Variants in ANKRD52 observed in about 807,000 individuals in gnomAD.
ANKRD52 encodes the protein serine/threonine-protein phosphatase 6 regulatory ankyrin repeat subunit C.
ANKRD52 carries 7 observed loss-of-function variants against 116.0 expected under a neutral mutation model. The ratio of observed to expected loss-of-function variants is 0.06; its 90% CI spans 0.03 to 0.11. The LOEUF is 0.11. Ranked by LOEUF, ANKRD52 falls within the 10% of genes least tolerant of loss-of-function variation. The pLI is 1.00. For missense variants in ANKRD52, 839 were observed against 1,408.6 expected (o/e 0.60, Z 6.47); for synonymous variants, 528 against 578.1 (o/e 0.91, Z 1.24).
chr12:56,248,502 T>C lies in ANKRD52; in HGVS notation c.1769A>G (p.His590Arg), dbSNP rs1871528089. The change falls in exon 17 of 28, where the codon CAC (histidine) becomes CGC (arginine). Residue 590 changes from histidine (H) to arginine (R), a missense_variant. Physicochemically the swap from His to Arg is conservative, Grantham distance 29 (BLOSUM62 0). Coordinates refer to ENST00000267116, the MANE Select transcript of ANKRD52 (RefSeq NM_173595.4). The surrounding 1 kb of genome is among the most constrained non-coding windows in gnomAD (Gnocchi z 5.1). ...AAAAGACGTGGGACTCACAGCTAAG[T>C]GCAAAGGGCTGACTGGAATGGTGCT... ...VESTIPVSPL[H>R]LAAYNGHCEA... 6.3e-7 allele frequency: 1 copy of C among 1,594,026 alleles called. No individual in the cohort carries two copies. The highest frequency in any genetic ancestry group is 8.5e-7 in the Non-Finnish European group (1 of 1,170,380).
In ANKRD52 at chr12:56,253,157, C is replaced by A; in HGVS notation, c.1101-71G>T. 1 of 1,450,336 alleles carries A rather than the reference C, an allele frequency of 6.9e-7. No individual in the cohort carries two copies. The allele number at this position is 1,450,336 out of a possible 1,614,324, so 89.8% of individuals were successfully genotyped here. A position where few individuals can be genotyped will look rare whatever the true frequency, so the allele number is the denominator to read the frequency against. On this transcript the variant is annotated intron_variant, in intron 10 of 27. Transcript: ENST00000267116. The surrounding 1 kb of genome is among the most constrained non-coding windows in gnomAD (Gnocchi z 5.5). ...AAGTAAGACCTCTTCTGTGACCTAC[C>A]ACCACCCTAGAGTCAGGGTAGGAGG... is the stretch of plus-strand genomic sequence containing the variant.
At position 56,257,280 on chromosome 12, in the gene ANKRD52, C is replaced by T; in HGVS notation, c.190+3G>A. On this transcript the variant is annotated splice_donor_region_variant and intron_variant, in intron 3 of 27. Transcript: ENST00000267116. ...GCCACACCTTCCAGCTCCCCACTTT[C>T]ACCTGACATCAGTAGCAACTGGAGG... 2 of 1,590,896 alleles carry T rather than the reference C, an allele frequency of 1.3e-6. No homozygotes were observed. The highest frequency in any genetic ancestry group is 1.8e-5 in the Admixed American group (1 of 56,188).
chr12:56,252,887 G>A lies in ANKRD52; in HGVS notation c.1194C>T (p.Tyr398=), dbSNP rs1449790934. ...CATTGCTGAGTGAAGACACAATGCT[G>A]TACAACTGACCTGGAGGCACAGAAC... ...CRKLLSSGQL[Y]SIVSSLSNEH... Residue 398 remains tyrosine, a synonymous_variant, in exon 12 of 28, where the codon TAC becomes TAT. Coordinates refer to ENST00000267116, the MANE Select transcript of ANKRD52 (RefSeq NM_173595.4). This position sits in a 1 kb window ranked among gnomAD's most constrained non-coding sequence, Gnocchi z 4.7. 2 of 1,613,664 alleles carry A rather than the reference G, an allele frequency of 1.2e-6. No homozygotes were observed. The highest frequency in any genetic ancestry group is 1.3e-5 in the African/African-American group (1 of 74,920).
At position 56,252,441 on chromosome 12, in the gene ANKRD52, C is replaced by T. The variant is rs926910303; in HGVS notation, c.1370+61G>A. On this transcript the variant is annotated intron_variant, in intron 13 of 27. Transcript: ENST00000267116. The surrounding 1 kb of genome is among the most constrained non-coding windows in gnomAD (Gnocchi z 4.7). ...AAGTCTCCAATCTAAACCCTTCCTC[C>T]CTCTACCATTTGTTTCTCTAATCAG... is the stretch of plus-strand genomic sequence containing the variant. 9 of 1,596,346 alleles carry T rather than the reference C, an allele frequency of 5.6e-6. No individual in the cohort carries two copies. Among genetic ancestry groups the T allele is most frequent in the Non-Finnish European group, 7.7e-6 (9 of 1,164,478 alleles).
chr12:56,248,615 AG>A lies in ANKRD52; in HGVS notation c.1705-50del. 1 of 1,534,610 alleles carries A rather than the reference AG, an allele frequency of 6.5e-7. No individual in the cohort carries two copies. Among genetic ancestry groups the A allele is most frequent in the Non-Finnish European group, 8.9e-7 (1 of 1,127,654 alleles). On this transcript the variant is annotated intron_variant, in intron 16 of 27. Coordinates refer to ENST00000267116, the MANE Select transcript of ANKRD52 (RefSeq NM_173595.4). This position sits in a 1 kb window ranked among gnomAD's most constrained non-coding sequence, Gnocchi z 5.1. ...GCTGAGACTCTGGAACTCCCAAGAT[AG>A]TACCCCAGTCCCCGACTCGCAGTAA...
In ANKRD52 at chr12:56,248,805, G is replaced by A. The variant is rs759512256; in HGVS notation, c.1658C>T (p.Ala553Val). ...PSLRDRQGYT[A>V]VHYAAAYGNR... ...GCCATAGGCGGCTGCATAGTGCACA[G>A]CTGTGTAGCCCTGCCTGTCCCGCAG... Residue 553 changes from alanine (A) to valine (V), a missense_variant, in exon 16 of 28, where the codon GCT becomes GTT. Ala to Val is a moderately conservative substitution (Grantham distance 64). This residue lies in a region of ANKRD52 where 552 missense variants were observed against 810.6 expected (regional missense o/e 0.68). Transcript: ENST00000267116. The surrounding 1 kb of genome is among the most constrained non-coding windows in gnomAD (Gnocchi z 5.1). The A allele has an allele frequency of 1.2e-6, 2 of 1,611,590 alleles. No homozygotes were observed. The highest frequency in any genetic ancestry group is 4.5e-5 in the East Asian group (2 of 44,842).
Position 56,257,883 on chromosome 12 carries a change from C to T in ANKRD52, c.56G>A (p.Arg19Gln). 6.2e-7 allele frequency: 1 copy of T among 1,611,434 alleles called. No homozygotes were observed. The highest frequency in any genetic ancestry group is 1.1e-5 in the South Asian group (1 of 91,022). ...QPPLVQAIFS[R>Q]DVEEVRSLLS... ...TAGGGAACGCACTTCCTCCACATCT[C>T]GGCTAAAGATGGCCTGGACCAGGGG... The change falls in exon 2 of 28, where the codon CGA (arginine) becomes CAA (glutamine). Residue 19 changes from arginine (R) to glutamine (Q), a missense_variant. Coordinates refer to ENST00000267116, the MANE Select transcript of ANKRD52 (RefSeq NM_173595.4).
In ANKRD52 at chr12:56,257,037, C is replaced by A; in HGVS notation, c.239G>T (p.Arg80Leu). The A allele has an allele frequency of 6.2e-7, 1 of 1,613,358 alleles. No homozygotes were observed. Among genetic ancestry groups the A allele is most frequent in the Non-Finnish European group, 8.5e-7 (1 of 1,179,670 alleles). ...KDTLWLTPLH[R>L]AAASRNEKVL... ...TACCTCGTTTCGGGAGGCAGCAGCA[C>A]GATGAAGAGGGGTCAGCCACAGTGT... is the stretch of plus-strand genomic sequence containing the variant. Residue 80 changes from arginine to leucine, a missense_variant, in exon 4 of 28, where the codon CGT (arginine) becomes CTT (leucine). By Grantham distance (102) the Arg-to-Leu change is moderately radical. This residue lies in a region of ANKRD52 where 287 missense variants were observed against 598.1 expected (regional missense o/e 0.48). Coordinates refer to ENST00000267116, the MANE Select transcript of ANKRD52 (RefSeq NM_173595.4).
intron 20 of ANKRD52, among the ~76,000 whole-genome samples, chr12:56,247,046 A>G (rs1871442600): frequency 1.3e-5 from 2 of 150,712 alleles, no homozygotes; most frequent in African/African-American, 4.9e-5. Flanking sequence ...ACAAAGCTCA[A>G]TAAAATCCTG....
In ANKRD52 at chr12:56,239,347, A is replaced by C. The variant is rs993494859; in HGVS notation, c.*3795T>G. The C allele has an allele frequency of 6.6e-6, 1 of 152,252 alleles. No homozygotes were observed. Among genetic ancestry groups the C allele is most frequent in the African/African-American group, 2.4e-5 (1 of 41,456 alleles). The allele number at this position is 152,252 out of a possible 1,614,324, so 9.4% of individuals were successfully genotyped here. On this transcript the variant is annotated 3_prime_UTR_variant, in exon 28 of 28. Coordinates refer to ENST00000267116, the MANE Select transcript of ANKRD52 (RefSeq NM_173595.4). ...GGCTGCAGAAGGCTGGAGCCACCAC[A>C]ATTAGAGGGGAAGGGGCTGCTTTGT...
Position 56,257,267 on chromosome 12 carries a change from A to G in ANKRD52, c.190+16T>C. 2 of 1,583,544 alleles carry G rather than the reference A, an allele frequency of 1.3e-6. No individual in the cohort carries two copies. The highest frequency in any genetic ancestry group is 1.3e-5 in the African/African-American group (1 of 74,350). On this transcript the variant is annotated intron_variant, in intron 3 of 27. Transcript: ENST00000267116. ...TCGCTCCCTATGTGCCACACCTTCC[A>G]GCTCCCCACTTTCACCTGACATCAG... is the stretch of plus-strand genomic sequence containing the variant.
Position 56,240,819 on chromosome 12 carries a change from A to C in ANKRD52, c.*2323T>G, listed in dbSNP as rs1287529477. 1 of 152,256 alleles carries C rather than the reference A, an allele frequency of 6.6e-6. No individual in the cohort carries two copies. 9.4% of individuals were successfully genotyped at this position (152,256 alleles called of 1,614,324 possible). A position where few individuals can be genotyped will look rare whatever the true frequency, so the allele number is the denominator to read the frequency against. On this transcript the variant is annotated 3_prime_UTR_variant, in exon 28 of 28. Transcript: ENST00000267116. The surrounding 1 kb of genome is among the most constrained non-coding windows in gnomAD (Gnocchi z 4.2). The stretch of plus-strand genomic sequence containing the variant: ...CAGTGCGCTGAGGGCAGCAGGGCGC[A>C]GACAGCCCCCAGAAATCTCATCTAG...
chr12:56,244,315 G>A lies in ANKRD52; in HGVS notation c.2805+38C>T. 6.2e-7 allele frequency: 1 copy of A among 1,602,432 alleles called. No individual in the cohort carries two copies. The highest frequency in any genetic ancestry group is 8.5e-7 in the Non-Finnish European group (1 of 1,169,696). Reference sequence around the variant, plus strand: ...GACTTACCTCTCTTCATCAAGCTCTGCCCCTTATGCAGTCCCCCAATCACT... The same window carrying A: ...GACTTACCTCTCTTCATCAAGCTCTACCCCTTATGCAGTCCCCCAATCACT... On this transcript the variant is annotated intron_variant, in intron 25 of 27. Transcript: ENST00000267116. The surrounding 1 kb of genome is among the most constrained non-coding windows in gnomAD (Gnocchi z 4.9).
intron 4 of ANKRD52, 22 bp from the exon 5 acceptor site, chr12:56,256,006 AAG>A (rs1477827858): frequency 5.2e-6 from 8 of 1,546,288 alleles, no homozygotes; most frequent in Non-Finnish European, 7.0e-6. Flanking sequence ...CAGGGGACAA[AAG>A]AGAGAGTGGG....
chr12:56,252,689 AG>A lies in ANKRD52; in HGVS notation c.1301+90del, dbSNP rs1210130537. 6.5e-7 allele frequency: 1 copy of A among 1,535,730 alleles called. No homozygotes were observed. Among genetic ancestry groups the A allele is most frequent in the African/African-American group, 1.4e-5 (1 of 73,138 alleles). On this transcript the variant is annotated intron_variant, in intron 12 of 27. Transcript: ENST00000267116. The surrounding 1 kb of genome is among the most constrained non-coding windows in gnomAD (Gnocchi z 4.7). The stretch of plus-strand genomic sequence containing the variant: ...CTGCTGTGACTGCTTTCATTGTGAG[AG>A]GGGGAATAGATCTGGGCAGGCAAGA...
Position 56,243,541 on chromosome 12 carries a change from G to C in ANKRD52, c.2981-149C>G. On this transcript the variant is annotated intron_variant, in intron 27 of 27. Coordinates refer to ENST00000267116, the MANE Select transcript of ANKRD52 (RefSeq NM_173595.4). The surrounding 1 kb of genome is among the most constrained non-coding windows in gnomAD (Gnocchi z 4.6). The stretch of plus-strand genomic sequence containing the variant: ...CCAAGGGTGACGAGGGCCCAGGAAG[G>C]CTGACAGGCAGATTCTCTAAGTACG... 2 of 1,252,612 alleles carry C rather than the reference G, an allele frequency of 1.6e-6. No homozygotes were observed. The highest frequency in any genetic ancestry group is 2.2e-6 in the Non-Finnish European group (2 of 918,158). 77.6% of individuals were successfully genotyped at this position (1,252,612 alleles called of 1,614,324 possible).
At position 56,245,465 on chromosome 12, in the gene ANKRD52, G is replaced by T; in HGVS notation, c.2316C>A (p.Thr772=). 1 of 1,612,576 alleles carries T rather than the reference G, an allele frequency of 6.2e-7. No homozygotes were observed. The highest frequency in any genetic ancestry group is 1.1e-5 in the South Asian group (1 of 91,042). Residue 772 remains threonine (T), a synonymous_variant, in exon 21 of 28, where the codon ACC becomes ACA. Coordinates refer to ENST00000267116, the MANE Select transcript of ANKRD52 (RefSeq NM_173595.4). ...CTGTGGAAAGGGCAGCCTGCAGCAG[G>T]GTCCGCAGTACTGCAGTGTGGCCAC... is the stretch of plus-strand genomic sequence containing the variant. ...SACGHTAVLR[T]LLQAALSTDP... is the part of the protein sequence containing the mutation.
At chr12:56,250,030 C>T (rs1871608947) in intron 15 of ANKRD52, among the ~76,000 whole-genome samples, 1 of 151,412 alleles carries the variant, frequency 6.6e-6, no homozygotes, top group Admixed American at 6.6e-5. Context: ...GAGTGAGACT[C>T]GGTCTTCAAA....
At position 56,255,775 on chromosome 12, in the gene ANKRD52, A is replaced by G; in HGVS notation, c.462+9T>C. The G allele has an allele frequency of 1.3e-6, 2 of 1,555,990 alleles. No homozygotes were observed. The highest frequency in any genetic ancestry group is 2.3e-4 in the Middle Eastern group (1 of 4,384). On this transcript the variant is annotated intron_variant, in intron 5 of 27. Transcript: ENST00000267116. This position sits in a 1 kb window ranked among gnomAD's most constrained non-coding sequence, Gnocchi z 4.3. Reference sequence around the variant, plus strand: ...GCCCCAGCTGGGCCTGGATGGGAACAGTCCTCACCTCAAGATGCCCACTAT... The same window carrying G: ...GCCCCAGCTGGGCCTGGATGGGAACGGTCCTCACCTCAAGATGCCCACTAT...
Sources: gnomAD v4.1 joint callset for allele counts (sites outside exome capture counted in the v4.1 genomes callset) on GRCh38, gnomAD v4.1.1 for gene constraint, gnomAD v4.1.1 regional missense constraint, Gnocchi (gnomAD v3.1) non-coding constraint, MANE v1.5 for transcripts, NCBI Gene and HGNC (gene_info 2026-07-23, HGNC 2026-07-21) for gene names.